The following TTC17 variants were observed in gnomAD, a reference collection of about 807,000 sequenced individuals.
The protein encoded by TTC17 is tetratricopeptide repeat protein 17.
In TTC17, 58 loss-of-function variants were observed where a neutral mutation model predicts 143.8. The observed-to-expected ratio is 0.40, with a 90% CI of 0.33 to 0.50. The LOEUF (loss-of-function observed/expected upper bound fraction) is 0.50. Ranked by LOEUF, TTC17 falls within the 20% of genes least tolerant of loss-of-function variation. The pLI is 0.49. For synonymous variants in TTC17, 501 were observed against 497.8 expected (o/e 1.01, Z -0.09); for missense variants, 1,273 against 1,392.5 (o/e 0.91, Z 1.37).
chr11:43,411,017 A>G (rs1858387177), intron 15 of TTC17, among the ~76,000 whole-genome samples: 1 of 152,186 alleles, frequency 6.6e-6, no homozygotes, highest in African/African-American at 2.4e-5. Flanking sequence ...TGCTTCTGCC[A>G]TTGTCCCCCA....
At chr11:43,472,350 A>G (rs1948107835) in intron 21 of TTC17, among the ~76,000 whole-genome samples, 1 of 152,214 alleles carries the variant, frequency 6.6e-6, no homozygotes, top group African/African-American at 2.4e-5. Context: ...TTCAGAAAAG[A>G]AAAAAGATAT....
chr11:43,471,428 C>T (rs1948090207), intron 21 of TTC17, among the ~76,000 whole-genome samples: 1 of 152,234 alleles, frequency 6.6e-6, no homozygotes, highest in African/African-American at 2.4e-5. Flanking sequence ...TGCTTGTCTC[C>T]TTCCCACCCC....
intron 21 of TTC17, among the ~76,000 whole-genome samples, chr11:43,452,399 G>A (rs1420093818): frequency 6.6e-6 from 1 of 152,042 alleles, no homozygotes; most frequent in Non-Finnish European, 1.5e-5. Context: ...ACTTGAGAGA[G>A]TGAGGCAGGA....
intron 1 of TTC17, chr11:43,359,354 C>CGCCGCGT (rs1365748919): frequency 8.5e-6 from 4 of 471,946 alleles, no homozygotes; most frequent in Non-Finnish European, 1.4e-5. Flanking sequence ...GCGGGCCGCG[C>CGCCGCGT]GCCGCGTGGG....
chr11:43,399,642 C>A (rs962354902), intron 8 of TTC17, among the ~76,000 whole-genome samples: 2 of 152,164 alleles, frequency 1.3e-5, no homozygotes, highest in Non-Finnish European at 2.9e-5. Context: ...TACAATCAGG[C>A]CTCTCCATCC....
intron 10 of TTC17, among the ~76,000 whole-genome samples, chr11:43,402,636 T>C (rs1447876792): frequency 6.6e-6 from 1 of 152,084 alleles, no homozygotes; most frequent in Non-Finnish European, 1.5e-5. Context: ...AAAGAAATGA[T>C]CATTGGAGCA....
At chr11:43,463,279 CTG>C (rs1239569347) in intron 21 of TTC17, among the ~76,000 whole-genome samples, 1 of 151,988 alleles carries the variant, frequency 6.6e-6, no homozygotes, top group Non-Finnish European at 1.5e-5. Context: ...TAACATATGA[CTG>C]AGCCATAAAA....
chr11:43,407,354 C>G lies in TTC17; in HGVS notation c.1841C>G (p.Pro614Arg), dbSNP rs775274468. ...CTGAAGTATTTTTGGATTTTTCAGCCAAATGCTCCTATCTGGCTCATACTC... is the reference window on the plus strand; with the variant it reads ...CTGAAGTATTTTTGGATTTTTCAGCGAAATGCTCCTATCTGGCTCATACTC... ...GSFLFHAINKPNAPIWLILNE... is the reference protein window; with the variant it reads ...GSFLFHAINKRNAPIWLILNE... The change falls in exon 15 of 24, where the codon CCA becomes CGA. Residue 614 changes from proline (P) to arginine (R), a missense_variant and splice_region_variant. By Grantham distance (103) the Pro-to-Arg change is moderately radical (BLOSUM62 -2). Around this residue, in one of 3 missense-constraint regions of TTC17, gnomAD observed 878 missense variants for 899.8 expected, o/e 0.98. Transcript: ENST00000039989. 6.2e-7 allele frequency: 1 copy of G among 1,612,552 alleles called. No homozygotes were observed. Among genetic ancestry groups the G allele is most frequent in the Admixed American group, 1.7e-5 (1 of 59,888 alleles).
chr11:43,415,494 A>C (rs1293079565), intron 16 of TTC17, among the ~76,000 whole-genome samples: 1 of 152,164 alleles, frequency 6.6e-6, no homozygotes, highest in Non-Finnish European at 1.5e-5. Context: ...ATACGTGTGG[A>C]TCCTCAGTAT....
chr11:43,433,242 G>A lies in TTC17; in HGVS notation c.2252-10083G>A, dbSNP rs554686710. ...TCTCGATCTCTTGACCTCGTGATCCGCCTTCCTCAGCCTCCCAAAGTGCTG... is the reference window on the plus strand; with the variant it reads ...TCTCGATCTCTTGACCTCGTGATCCACCTTCCTCAGCCTCCCAAAGTGCTG... On this transcript the variant is annotated intron_variant, in intron 16 of 23. Coordinates refer to ENST00000039989, the MANE Select transcript of TTC17 (RefSeq NM_018259.6). 2.8e-3 allele frequency among the ~76,000 whole-genome samples: 420 copies of A among 152,186 alleles called. 1 individual carries two copies. The highest frequency in any genetic ancestry group is 4.6e-3 in the Non-Finnish European group (314 of 68,006).
chr11:43,410,363 T>C (rs887464383), intron 15 of TTC17, among the ~76,000 whole-genome samples: 8 of 152,234 alleles, frequency 5.3e-5, no homozygotes, highest in Admixed American at 2.0e-4. Flanking sequence ...TTTCTATTGT[T>C]AGATTTCAAG....
chr11:43,402,032 G>T (rs547502916), intron 10 of TTC17, among the ~76,000 whole-genome samples: 106 of 147,966 alleles, frequency 7.2e-4, no homozygotes, highest in East Asian at 9.9e-4. Flanking sequence ...AATAAATAAA[G>T]AGCGAGAGAG....
At chr11:43,474,110 A>G (rs1337076496) in intron 21 of TTC17, among the ~76,000 whole-genome samples, 1 of 152,216 alleles carries the variant, frequency 6.6e-6, no homozygotes, top group East Asian at 1.9e-4. Flanking sequence ...AATGCCCAGC[A>G]GTAGCGGAGT....
intron 1 of TTC17, among the ~76,000 whole-genome samples, chr11:43,377,089 C>T (rs1421204281): frequency 6.6e-6 from 1 of 152,018 alleles, no homozygotes; most frequent in Admixed American, 6.6e-5. Context: ...GTCAGGAGTT[C>T]GAGACCAGGC....
rs1946831135 is a variant in TTC17, at chr11:43,418,616, T to TA, written c.2251+3842dup. ...AATAAACTTATAATGCTTTTGAATATAAGCAATGTCTATGAAGTGCTCAAC... is the reference window on the plus strand; with the variant it reads ...AATAAACTTATAATGCTTTTGAATATAAAGCAATGTCTATGAAGTGCTCAAC... On this transcript the variant is annotated intron_variant, in intron 16 of 23. Transcript: ENST00000039989. 4.6e-5 allele frequency among the ~76,000 whole-genome samples: 7 copies of TA among 152,272 alleles called. No homozygotes were observed. The South Asian group carries it at 1.4e-3, about 32-fold the overall frequency.
chr11:43,410,947 C>T (rs778895263), intron 15 of TTC17, among the ~76,000 whole-genome samples: 7 of 152,140 alleles, frequency 4.6e-5, no homozygotes, highest in Non-Finnish European at 1.0e-4. Flanking sequence ...TACTGCTGTC[C>T]CATCCAAACC....
chr11:43,475,558 C>G (rs1948169914), intron 21 of TTC17, among the ~76,000 whole-genome samples: 1 of 152,172 alleles, frequency 6.6e-6, no homozygotes, highest in Admixed American at 6.5e-5. Flanking sequence ...TTCCTGGACT[C>G]AAGCAGTCCA....
intron 10 of TTC17, among the ~76,000 whole-genome samples, chr11:43,403,072 G>GA (rs1195993282): frequency 1.4e-5 from 2 of 145,442 alleles, no homozygotes; most frequent in Non-Finnish European, 3.1e-5. Flanking sequence ...GTTTCCAAGG[G>GA]AAAAAATAAA....
At chr11:43,409,847 C>CTT (rs1435453658) in intron 15 of TTC17, among the ~76,000 whole-genome samples, 1 of 143,944 alleles carries the variant, frequency 6.9e-6, no homozygotes, top group Non-Finnish European at 1.5e-5. Flanking sequence ...TTTTTCTTTT[C>CTT]TTTTTTTTTT....
Sources: allele counts gnomAD v4.1 joint callset (sites outside exome capture counted in the v4.1 genomes callset), GRCh38; gene constraint gnomAD v4.1.1; regional missense constraint gnomAD v4.1.1; transcripts MANE v1.5; gene names NCBI Gene and HGNC (gene_info 2026-07-23, HGNC 2026-07-21).